The following VPS41 variants were observed in gnomAD, a reference collection of about 807,000 sequenced individuals.
VPS41 encodes vacuolar protein sorting-associated protein 41 homolog.
A neutral mutation model predicts 130.9 loss-of-function variants in VPS41; 85 were observed. The ratio of observed to expected loss-of-function variants is 0.65; its 90% CI spans 0.55 to 0.78. The LOEUF is 0.78. VPS41 is among the 30% of genes least tolerant of loss of function. The probability of loss-of-function intolerance (pLI) is 0.00; values close to 1 mark genes in which losing one functional copy is unlikely to be tolerated. For missense variants in VPS41, 874 were observed against 1,018.7 expected, an observed-to-expected ratio of 0.86 and a Z score of 1.93; for synonymous variants, 335 against 332.9, an observed-to-expected ratio of 1.01 and a Z score of -0.07.
Position 38,743,638 on chromosome 7 carries a change from G to A in VPS41, c.1982-96C>T, listed in dbSNP as rs188448478. 7.8e-5 allele frequency: 110 copies of A among 1,413,716 alleles called. No individual in the cohort carries two copies. The South Asian group carries it at 1.4e-3, about 17-fold the overall frequency. The allele number at this position is 1,413,716 out of a possible 1,614,324, so 87.6% of individuals were successfully genotyped here. On this transcript the variant is annotated intron_variant, in intron 23 of 28. Coordinates refer to ENST00000310301, the MANE Select transcript of VPS41 (RefSeq NM_014396.4). ...ATCTCTTAATTTGTTTACATAGGTG[G>A]AAAGCTAAGACAAGGCTATTTTCTC... is the stretch of plus-strand genomic sequence containing the variant.
intron 19 of VPS41, among the ~76,000 whole-genome samples, chr7:38,756,590 C>T (rs1298647882): frequency 6.6e-6 from 1 of 152,194 alleles, no homozygotes; most frequent in Non-Finnish European, 1.5e-5. Flanking sequence ...TGCGCACACA[C>T]ACAACTTTAA....
At chr7:38,907,729 T>A (rs957107432) in intron 1 of VPS41, among the ~76,000 whole-genome samples, 2 of 152,220 alleles carry the variant, frequency 1.3e-5, no homozygotes, top group Admixed American at 1.3e-4. Flanking sequence ...GAAAAAACAA[T>A]GGTTTTTCTA....
chr7:38,758,964 C>A (rs1048995356), intron 17 of VPS41, among the ~76,000 whole-genome samples: 2 of 152,326 alleles, frequency 1.3e-5, no homozygotes, highest in Non-Finnish European at 2.9e-5. Flanking sequence ...ACATACCTTG[C>A]CCTCTGCATC....
At chr7:38,860,588 T>C (rs1305809969) in intron 4 of VPS41, among the ~76,000 whole-genome samples, 2 of 152,142 alleles carry the variant, frequency 1.3e-5, no homozygotes, top group African/African-American at 4.8e-5. Flanking sequence ...AATCTATCAA[T>C]AGGCTGTTCT....
Position 38,743,668 on chromosome 7 carries a change from G to A in VPS41, c.1982-126C>T. 4.7e-6 allele frequency: 5 copies of A among 1,058,384 alleles called. No homozygotes were observed. The South Asian group carries it at 6.6e-5, about 14-fold the overall frequency. 65.6% of individuals were successfully genotyped at this position (1,058,384 alleles called of 1,614,324 possible). ...CTAAGACAAGGCTATTTTCTCATGT[G>A]ACACCAACATTTACTGTCTATAACA... is the stretch of plus-strand genomic sequence containing the variant. On this transcript the variant is annotated intron_variant, in intron 23 of 28. Transcript: ENST00000310301.
chr7:38,864,763 CTT>C (rs971688594), intron 3 of VPS41, among the ~76,000 whole-genome samples: 5 of 145,258 alleles, frequency 3.4e-5, no homozygotes, highest in African/African-American at 1.0e-4. Context: ...AGTTTTGTTT[CTT>C]TTTTTTTTTC....
At chr7:38,779,612 G>T (rs1011948047) in intron 10 of VPS41, among the ~76,000 whole-genome samples, 1 of 152,184 alleles carries the variant, frequency 6.6e-6, no homozygotes. Context: ...ATAAATGGTG[G>T]TGTCTTGTTT....
chr7:38,898,836 G>A (rs1787075586), intron 1 of VPS41, among the ~76,000 whole-genome samples: 1 of 152,214 alleles, frequency 6.6e-6, no homozygotes, highest in Non-Finnish European at 1.5e-5. Context: ...AAAGAGGTCA[G>A]CAAAATGAAG....
chr7:38,886,235 C>T (rs1179172700), intron 2 of VPS41, among the ~76,000 whole-genome samples: 1 of 152,120 alleles, frequency 6.6e-6, no homozygotes, highest in Non-Finnish European at 1.5e-5. Context: ...GGGGGATTTC[C>T]CTTTCTTAGT....
chr7:38,784,329 T>A (rs1035480570), intron 10 of VPS41, among the ~76,000 whole-genome samples: 2 of 152,172 alleles, frequency 1.3e-5, no homozygotes, highest in African/African-American at 4.8e-5. Context: ...TTCCCAACCA[T>A]AAGTCACTCT....
In VPS41 at chr7:38,728,721, C is replaced by T. The variant is rs377296574; in HGVS notation, c.2330G>A (p.Arg777Gln). 2.2e-5 allele frequency: 35 copies of T among 1,613,992 alleles called. No homozygotes were observed. Among genetic ancestry groups the T allele is most frequent in the South Asian group, 5.5e-5 (5 of 91,086 alleles). Residue 777 changes from arginine to glutamine, a missense_variant, in exon 26 of 29, where the codon CGA (arginine) becomes CAA (glutamine). Physicochemically the swap from Arg to Gln is conservative, Grantham distance 43. Transcript: ENST00000310301. ...DSLSLLKKMHRTQMKGVLVDE... is the reference protein window; with the variant it reads ...DSLSLLKKMHQTQMKGVLVDE... Reference sequence around the variant, plus strand: ...AACAAGAACACCTTTCATTTGAGTTCGGTGCATTTTCTTCAGTAAGGACAA... The same window carrying T: ...AACAAGAACACCTTTCATTTGAGTTTGGTGCATTTTCTTCAGTAAGGACAA...
chr7:38,892,330 C>T (rs11980882), intron 2 of VPS41, among the ~76,000 whole-genome samples: 44,411 of 151,922 alleles, frequency 0.29, 7,852 homozygotes, highest in African/African-American at 0.48. Context: ...GCAAAGTTAC[C>T]GAAAACTTGA....
Position 38,795,519 on chromosome 7 carries a change from G to A in VPS41, c.663C>T (p.Ser221=). 1 of 1,613,458 alleles carries A rather than the reference G, an allele frequency of 6.2e-7. No individual in the cohort carries two copies. Among genetic ancestry groups the A allele is most frequent in the Non-Finnish European group, 8.5e-7 (1 of 1,179,606 alleles). The change falls in exon 9 of 29, where the codon AGC becomes AGT. Residue 221 remains serine, a synonymous_variant. Transcript: ENST00000310301. The stretch of plus-strand genomic sequence containing the variant: ...GTGTCACATTGTCCTTCCAGCAGAG[G>A]CTGCAGGGATACATGTCTGGGCGAA... ...ISLRPDMYPC[S]LCWKDNVTLI...
chr7:38,752,820 T>G (rs989016041), intron 21 of VPS41, among the ~76,000 whole-genome samples: 2 of 152,174 alleles, frequency 1.3e-5, no homozygotes, highest in African/African-American at 4.8e-5. Context: ...AAGCACATAT[T>G]CTTAAAAACT....
At chr7:38,750,028 G>C (rs1459826913) in intron 22 of VPS41, among the ~76,000 whole-genome samples, 2 of 152,036 alleles carry the variant, frequency 1.3e-5, no homozygotes, top group Non-Finnish European at 2.9e-5. Flanking sequence ...CACTACACTG[G>C]ACTAATGTTT....
In VPS41 at chr7:38,787,893, G is replaced by C. The variant is rs540273560; in HGVS notation, c.784+1908C>G. Among the ~76,000 whole-genome samples, 8 of 152,280 alleles carry C rather than the reference G, an allele frequency of 5.3e-5. No homozygotes were observed. In the East Asian group the frequency reaches 1.4e-3, roughly 26 times the overall value. Reference sequence around the variant, plus strand: ...TGGTACTTAACCATTAACCATAGTAGTAAAATGTCAGTAATGTGATACTGT... The same window carrying C: ...TGGTACTTAACCATTAACCATAGTACTAAAATGTCAGTAATGTGATACTGT... On this transcript the variant is annotated intron_variant, in intron 10 of 28. Transcript: ENST00000310301.
At chr7:38,765,029 G>C (rs1480708238) in intron 16 of VPS41, among the ~76,000 whole-genome samples, 1 of 152,124 alleles carries the variant, frequency 6.6e-6, no homozygotes, top group Non-Finnish European at 1.5e-5. Context: ...TTTATAACTT[G>C]AAGAGAGCAT....
intron 7 of VPS41, among the ~76,000 whole-genome samples, chr7:38,814,585 G>A (rs563601333): frequency 9.2e-5 from 14 of 152,238 alleles, no homozygotes; most frequent in African/African-American, 2.9e-4. Flanking sequence ...GGCAGGCAGA[G>A]CTTGCAGCGA....
At chr7:38,834,104 T>C (rs1301021676) in intron 4 of VPS41, among the ~76,000 whole-genome samples, 1 of 89,118 alleles carries the variant, frequency 1.1e-5, no homozygotes, top group African/African-American at 6.0e-5. Context: ...ATTCATGGTA[T>C]TTAAAAAAAA....
Sources: allele counts gnomAD v4.1 joint callset (sites outside exome capture counted in the v4.1 genomes callset), GRCh38; gene constraint gnomAD v4.1.1; transcripts MANE v1.5; gene names NCBI Gene and HGNC (gene_info 2026-07-23, HGNC 2026-07-21).